The following BAZ1A variants were observed in gnomAD, a reference collection of about 807,000 sequenced individuals.
BAZ1A encodes bromodomain adjacent to zinc finger domain 1A.
Under a neutral mutation model 185.2 loss-of-function variants are expected in BAZ1A, and 50 were observed. The ratio of observed to expected loss-of-function variants is 0.27; its 90% CI spans 0.22 to 0.34. BAZ1A has a LOEUF of 0.34. Among genes scored for constraint, BAZ1A ranks in the 10% least tolerant of loss-of-function variants. BAZ1A has a pLI of 1.00. For synonymous variants in BAZ1A, 571 were observed against 615.6 expected (o/e 0.93, Z 1.07); for missense variants, 1,356 against 1,839.9 (o/e 0.74, Z 4.81).
Position 34,794,753 on chromosome 14 carries a change from G to A in BAZ1A, c.1359C>T (p.Thr453=), listed in dbSNP as rs1881087621. The A allele has an allele frequency of 6.2e-7, 1 of 1,612,998 alleles. No homozygotes were observed. The highest frequency in any genetic ancestry group is 1.3e-5 in the African/African-American group (1 of 74,830). ...DLQDEFPDGV[T]LEVLEEALVG... ...ATAGATAACTAAAGCACTTGCCTAG[G>A]GTTACTCCATCAGGAAACTCATCTT... is the stretch of plus-strand genomic sequence containing the variant. Residue 453 remains threonine, a synonymous_variant, in exon 11 of 27, where the codon ACC becomes ACT. Coordinates refer to ENST00000360310, the MANE Select transcript of BAZ1A (RefSeq NM_013448.3).
chr14:34,806,670 T>A (rs547249444), intron 6 of BAZ1A, among the ~76,000 whole-genome samples: 2 of 152,310 alleles, frequency 1.3e-5, no homozygotes, highest in African/African-American at 4.8e-5. Flanking sequence ...AACTTGACTT[T>A]TTCCTCTCTT....
intron 4 of BAZ1A, among the ~76,000 whole-genome samples, chr14:34,823,856 TTTAC>T (rs1193022587): frequency 6.6e-6 from 1 of 152,154 alleles, no homozygotes; most frequent in African/African-American, 2.4e-5. Context: ...TAATTGCATG[TTTAC>T]TTATATTTGT....
intron 23 of BAZ1A, among the ~76,000 whole-genome samples, chr14:34,762,517 C>T (rs1032838790): frequency 6.6e-6 from 1 of 151,262 alleles, no homozygotes; most frequent in African/African-American, 2.4e-5. Flanking sequence ...ATCACTGTCA[C>T]CCAGGCTGGA....
intron 6 of BAZ1A, among the ~76,000 whole-genome samples, chr14:34,805,427 T>C (rs1881802790): frequency 6.6e-6 from 1 of 152,228 alleles, no homozygotes; most frequent in Non-Finnish European, 1.5e-5. Flanking sequence ...CATTTTCCAG[T>C]TGGGTCATCT....
intron 5 of BAZ1A, among the ~76,000 whole-genome samples, chr14:34,809,865 T>C (rs773752342): frequency 6.6e-6 from 1 of 152,172 alleles, no homozygotes; most frequent in East Asian, 1.9e-4. Flanking sequence ...ATATCTGTAG[T>C]CTCAACAATT....
chr14:34,862,164 T>C lies in BAZ1A; in HGVS notation c.272A>G (p.Tyr91Cys). Residue 91 changes from tyrosine (Y) to cysteine (C), a missense_variant, in exon 3 of 27, where the codon TAC (tyrosine) becomes TGC (cysteine). Transcript: ENST00000360310. ...CGAACGATGGGTAAGGCTGGTCAAG[T>C]ATAAAACTGGAATAATTAGTGGTTC... ...FPEPLIIPVL[Y>C]LTSLTHRSRL... The C allele has an allele frequency of 6.2e-7, 1 of 1,614,148 alleles. No individual in the cohort carries two copies. The highest frequency in any genetic ancestry group is 8.5e-7 in the Non-Finnish European group (1 of 1,180,018).
At chr14:34,820,259 G>T (rs2042069118) in intron 4 of BAZ1A, among the ~76,000 whole-genome samples, 1 of 151,476 alleles carries the variant, frequency 6.6e-6, no homozygotes, top group African/African-American at 2.4e-5. Flanking sequence ...CCGAGTAGCT[G>T]GGACTACAGG....
intron 3 of BAZ1A, among the ~76,000 whole-genome samples, chr14:34,832,228 A>ATATG (rs1555343261): frequency 3.5e-5 from 5 of 143,370 alleles, no homozygotes; most frequent in African/African-American, 5.2e-5. Context: ...ATATATATAT[A>ATATG]TATGTATGTA....
intron 3 of BAZ1A, among the ~76,000 whole-genome samples, chr14:34,846,614 G>A (rs949899894): frequency 1.3e-5 from 2 of 152,166 alleles, no homozygotes; most frequent in Non-Finnish European, 2.9e-5. Flanking sequence ...ATTTGTTTTT[G>A]TGACTATGTA....
intron 4 of BAZ1A, chr14:34,816,600 A>C (rs1393431980): frequency 5.7e-6 from 1 of 174,238 alleles, no homozygotes; most frequent in African/African-American, 2.4e-5. Flanking sequence ...GATAGCTTTA[A>C]ATCACAATAA....
chr14:34,798,765 A>G (rs1452777828), intron 9 of BAZ1A, among the ~76,000 whole-genome samples: 1 of 152,170 alleles, frequency 6.6e-6, no homozygotes, highest in Non-Finnish European at 1.5e-5. Context: ...GAGAAATAGG[A>G]ATGCTTTTAC....
chr14:34,870,574 T>C (rs888770469), intron 2 of BAZ1A, among the ~76,000 whole-genome samples: 24 of 152,340 alleles, frequency 1.6e-4, no homozygotes, highest in Non-Finnish European at 2.5e-4. Context: ...AAAAGCCAAA[T>C]GTCTAAGCAG....
At position 34,754,807 on chromosome 14, in the gene BAZ1A, G is replaced by T. The variant is rs981652795; in HGVS notation, c.4474+20C>A. The stretch of plus-strand genomic sequence containing the variant: ...ATGCCTTAGAAAAATAAATATCAAA[G>T]AAAAACATAAATTACTTACATGCTA... On this transcript the variant is annotated intron_variant, in intron 26 of 26. Transcript: ENST00000360310. 8 of 1,500,430 alleles carry T rather than the reference G, an allele frequency of 5.3e-6. No homozygotes were observed. The highest frequency in any genetic ancestry group is 4.1e-5 in the Admixed American group (2 of 48,664). The allele number at this position is 1,500,430 out of a possible 1,614,324, so 92.9% of individuals were successfully genotyped here. A position where few individuals can be genotyped will look rare whatever the true frequency, so the allele number is the denominator to read the frequency against.
At chr14:34,864,147 T>C (rs979131855) in intron 2 of BAZ1A, among the ~76,000 whole-genome samples, 3 of 152,024 alleles carry the variant, frequency 2.0e-5, no homozygotes, top group African/African-American at 7.3e-5. Flanking sequence ...TTTTTTTTTA[T>C]GTATTTACTT....
chr14:34,873,140 T>C lies in BAZ1A; in HGVS notation c.113+1352A>G, dbSNP rs75768662. 4.6e-3 allele frequency among the ~76,000 whole-genome samples: 704 copies of C among 152,214 alleles called. 9 individuals are homozygous for C. The highest frequency in any genetic ancestry group is 0.016 in the African/African-American group (666 of 41,528). On this transcript the variant is annotated intron_variant, in intron 2 of 26. Transcript: ENST00000360310. ...GTGGAGCTGAAGAAAAAGGTTTACT[T>C]AAAATAAATGCTCAAAGGAACTTTT... is the stretch of plus-strand genomic sequence containing the variant.
In BAZ1A at chr14:34,826,019, T is replaced by G. The variant is rs1245453500; in HGVS notation, c.530A>C (p.Gln177Pro). ...DDSETQSCSFQNGKKKDAIDP... is the reference protein window; with the variant it reads ...DDSETQSCSFPNGKKKDAIDP... ...ATTAATAAAAATCACTTACCCATTT[T>G]GAAAAGAACAGCTTTGTGTTTCTGA... is the stretch of plus-strand genomic sequence containing the variant. The change falls in exon 4 of 27, where the codon CAA becomes CCA. Residue 177 changes from glutamine to proline, a missense_variant. Physicochemically the swap from Gln to Pro is moderately conservative, Grantham distance 76. Coordinates refer to ENST00000360310, the MANE Select transcript of BAZ1A (RefSeq NM_013448.3). 2 of 1,552,512 alleles carry G rather than the reference T, an allele frequency of 1.3e-6. No homozygotes were observed.
At chr14:34,799,816 T>C (rs901839925) in intron 9 of BAZ1A, among the ~76,000 whole-genome samples, 1 of 152,158 alleles carries the variant, frequency 6.6e-6, no homozygotes, top group Non-Finnish European at 1.5e-5. Flanking sequence ...TTCACCGTCC[T>C]GGCCAGGCTG....
chr14:34,765,534 CAATGT>C (rs1878783380), intron 21 of BAZ1A, among the ~76,000 whole-genome samples: 1 of 152,150 alleles, frequency 6.6e-6, no homozygotes, highest in South Asian at 2.1e-4. Context: ...ATAATTCAGA[CAATGT>C]GTTCTCAATC....
chr14:34,812,321 T>C (rs1594865300), intron 4 of BAZ1A, among the ~76,000 whole-genome samples: 1 of 152,028 alleles, frequency 6.6e-6, no homozygotes, highest in East Asian at 1.9e-4. Flanking sequence ...AACCCTGAGG[T>C]GGAAGGAGGC....
Sources: allele counts gnomAD v4.1 joint callset (sites outside exome capture counted in the v4.1 genomes callset), GRCh38; gene constraint gnomAD v4.1.1; transcripts MANE v1.5; gene names NCBI Gene and HGNC (gene_info 2026-07-23, HGNC 2026-07-21).